BICDL2: variants seen among roughly 807,000 people sequenced by gnomAD.
BICDL2 encodes BICD family like cargo adaptor 2, also known as BICD family-like cargo adapter 2.
Under a neutral mutation model 56.6 loss-of-function variants are expected in BICDL2, and 62 were observed. The observed-to-expected ratio is 1.10, with a 90% CI of 0.89 to 1.35. The LOEUF (loss-of-function observed/expected upper bound fraction) is 1.35, where lower values mean the gene tolerates loss of function less well. Among genes scored for constraint, BICDL2 ranks in the 40% most tolerant of loss-of-function variants. BICDL2 has a pLI of 0.00. For missense variants in BICDL2, 808 were observed against 684.5 expected (o/e 1.18, Z -2.01); for synonymous variants, 358 against 319.8 (o/e 1.12, Z -1.27).
rs1955644304 is a variant in BICDL2 at position 3,030,943 on chromosome 16, G to A, written c.490C>T (p.Leu164=). ...SEQNLRLSQQ[L]AQASQTEQEL... is the part of the protein sequence containing the mutation. ...GGTCAGGGCCATCCCACCTGAGCCAGCTGCTGGCTGAGCCGGAGGTTCTGC... is the reference window on the plus strand; with the variant it reads ...GGTCAGGGCCATCCCACCTGAGCCAACTGCTGGCTGAGCCGGAGGTTCTGC... The change falls in exon 3 of 10, where the codon CTG becomes TTG. Residue 164 remains leucine (L), a synonymous_variant. Coordinates refer to ENST00000572449, the MANE Select transcript of BICDL2 (RefSeq NM_001369667.1). The A allele has an allele frequency of 2.6e-6, 4 of 1,547,684 alleles. No individual in the cohort carries two copies. The South Asian group carries it at 4.7e-5, about 18-fold the overall frequency.
chr16:3,036,783 C>A (rs1241145236), intron 1 of BICDL2, 111 bp downstream of exon 1: 1 of 354,046 alleles, frequency 2.8e-6, no homozygotes, highest in East Asian at 1.0e-4. Flanking sequence ...CCCCGGCGAT[C>A]CCGGTTCCCC....
Position 3,035,365 on chromosome 16 carries a change from A to G in BICDL2, c.132T>C (p.Pro44=), listed in dbSNP as rs1955719160. The part of the protein sequence containing the change: ...RDSFLGGGPG[P]EEPEDLALQL... The stretch of plus-strand genomic sequence containing the variant: ...GCAAGGCTAGGTCCTCGGGCTCCTC[A>G]GGCCCTGGGCCCCCTCCCAGGAATG... The change falls in exon 2 of 10, where the codon CCT becomes CCC. Residue 44 remains proline, a synonymous_variant. Coordinates refer to ENST00000572449, the MANE Select transcript of BICDL2 (RefSeq NM_001369667.1). 6.2e-7 allele frequency: 1 copy of G among 1,605,838 alleles called. No individual in the cohort carries two copies. Among genetic ancestry groups the G allele is most frequent in the Non-Finnish European group, 8.5e-7 (1 of 1,177,030 alleles).
At position 3,028,348 on chromosome 16, in the gene BICDL2, C is replaced by G. The variant is rs1179125833; in HGVS notation, c.1359G>C (p.Gln453His). Residue 453 changes from glutamine to histidine, a missense_variant and splice_region_variant, in exon 9 of 10, where the codon CAG (glutamine) becomes CAC (histidine). Physicochemically the swap from Gln to His is conservative, Grantham distance 24 (BLOSUM62 0). Transcript: ENST00000572449. ...CCCGCACACGGGCCCCGCCCCTCACCTGCCAGGCCTCCAGCTCCTGCGTGA... is the reference window on the plus strand; with the variant it reads ...CCCGCACACGGGCCCCGCCCCTCACGTGCCAGGCCTCCAGCTCCTGCGTGA... The part of the protein sequence containing the change: ...VALTQELEAW[Q>H]DDMQVVIGQQ... The G allele has an allele frequency of 6.5e-7, 1 of 1,550,332 alleles. No homozygotes were observed. Among genetic ancestry groups the G allele is most frequent in the Non-Finnish European group, 8.7e-7 (1 of 1,155,878 alleles).
intron 7 of BICDL2, 145 bp from the exon 8 acceptor site, chr16:3,028,975 G>A (rs557300600): frequency 1.1e-4 from 129 of 1,136,436 alleles, no homozygotes; most frequent in Middle Eastern, 6.0e-4. Context: ...TGGAGACTCC[G>A]ATATGAGCCC....
intron 5 of BICDL2, chr16:3,030,064 G>T: frequency 2.1e-6 from 1 of 469,942 alleles, no homozygotes; most frequent in Non-Finnish European, 3.8e-6. Context: ...AAGTAAGAAG[G>T]GGCACCGGGA....
intron 1 of BICDL2, 169 bp downstream of exon 1, chr16:3,036,725 C>G (rs1004827215): frequency 2.3e-6 from 1 of 438,122 alleles, no homozygotes; most frequent in Non-Finnish European, 4.5e-6. Context: ...CCCAGAGAAG[C>G]GGCTGGGCTC....
rs1479453150 is a variant in BICDL2 at position 3,029,525 on chromosome 16, C to T, written c.957+20G>A. On this transcript the variant is annotated intron_variant, in intron 6 of 9. Coordinates refer to ENST00000572449, the MANE Select transcript of BICDL2 (RefSeq NM_001369667.1). ...CCTCTCGATGGCACAGGTAAGGGGG[C>T]TGGGGCCCCACGAGCTCACCGGGGT... The T allele has an allele frequency of 1.9e-6, 3 of 1,558,792 alleles. No homozygotes were observed. Among genetic ancestry groups the T allele is most frequent in the Non-Finnish European group, 2.6e-6 (3 of 1,158,864 alleles).
chr16:3,035,176 T>TTGGCCCGGGGGGGGGGGGGGGGGGGGCG, intron 2 of BICDL2, 39 bp downstream of exon 2: 1 of 136,274 alleles, frequency 7.3e-6, no homozygotes, highest in Non-Finnish European at 1.4e-5. Context: ...CGTCCTCCCC[T>TTGGCCCGGGGGGGGGGGGGGGGGGGGCG]GCCCACCCAC....
Position 3,029,554 on chromosome 16 carries a change from T to G in BICDL2, c.948A>C (p.Gly316=), listed in dbSNP as rs2151140445. The change falls in exon 6 of 10, where the codon GGA becomes GGC. Residue 316 remains glycine (G), a synonymous_variant. Transcript: ENST00000572449. The part of the protein sequence containing the change: ...GDQGQGADAP[G]DTPTTRSPKT... ...GGCCCCACGAGCTCACCGGGGTGTC[T>G]CCGGGTGCGTCGGCGCCCTGGCCCT... 1 of 1,549,380 alleles carries G rather than the reference T, an allele frequency of 6.5e-7. No homozygotes were observed. Among genetic ancestry groups the G allele is most frequent in the East Asian group, 2.4e-5 (1 of 41,824 alleles).
chr16:3,035,405 A>G lies in BICDL2; in HGVS notation c.92T>C (p.Leu31Pro), dbSNP rs1011900794. ...TCCCAGGAATGAGTCCCGCCGCTCC[A>G]GCACAAAGGGGAAGAAGCCCTCGTC... ...SGDEGFFPFV[L>P]ERRDSFLGGG... Residue 31 changes from leucine to proline, a missense_variant, in exon 2 of 10, where the codon CTG becomes CCG. Physicochemically the swap from Leu to Pro is moderately conservative, Grantham distance 98. Transcript: ENST00000572449. The G allele has an allele frequency of 1.9e-6, 3 of 1,612,276 alleles. No individual in the cohort carries two copies. Among genetic ancestry groups the G allele is most frequent in the Non-Finnish European group, 2.5e-6 (3 of 1,179,720 alleles).
At position 3,030,925 on chromosome 16, in the gene BICDL2, G is replaced by A. The variant is rs773929413; in HGVS notation, c.498+10C>T. On this transcript the variant is annotated intron_variant, in intron 3 of 9. Transcript: ENST00000572449. ...CCTTGTCCAGGGCCCTGGGGTCAGG[G>A]CCATCCCACCTGAGCCAGCTGCTGG... 2.6e-6 allele frequency: 4 copies of A among 1,545,656 alleles called. No individual in the cohort carries two copies. The highest frequency in any genetic ancestry group is 2.7e-5 in the African/African-American group (2 of 73,366).
At chr16:3,029,131 A>C (rs1225858422) in intron 7 of BICDL2, 149 bp downstream of exon 7, 2 of 1,007,180 alleles carry the variant, frequency 2.0e-6, no homozygotes, top group East Asian at 2.6e-5. Flanking sequence ...AGGAGGTGGC[A>C]TACAGGCTGG....
Position 3,030,766 on chromosome 16 carries a change from C to T in BICDL2, c.545G>A (p.Arg182Gln), listed in dbSNP as rs754296681. The T allele has an allele frequency of 1.5e-5, 24 of 1,612,494 alleles. No homozygotes were observed. The highest frequency in any genetic ancestry group is 1.7e-5 in the Non-Finnish European group (20 of 1,179,694). Residue 182 changes from arginine (R) to glutamine (Q), a missense_variant, in exon 4 of 10, where the codon CGG becomes CAG. Physicochemically the swap from Arg to Gln is conservative, Grantham distance 43. Coordinates refer to ENST00000572449, the MANE Select transcript of BICDL2 (RefSeq NM_001369667.1). ...QELQRELDAL[R>Q]GQCQAQALAG... ...CAGTGCCTGAGCCTGGCACTGTCCC[C>T]GAAGGGCGTCCAGTTCCCTCTGAAG...
At position 3,035,459 on chromosome 16, in the gene BICDL2, G is replaced by C. The variant is rs1198022752; in HGVS notation, c.38C>G (p.Pro13Arg). ...SPDGPSFPSG[P>R]LSGGASPSGD... Reference sequence around the variant, plus strand: ...GCTGGGAGAGGCGCCCCCTGAGAGCGGCCCGGACGGGAAGCTGGGCCCATC... The same window carrying C: ...GCTGGGAGAGGCGCCCCCTGAGAGCCGCCCGGACGGGAAGCTGGGCCCATC... The change falls in exon 2 of 10, where the codon CCG becomes CGG. Residue 13 changes from proline (P) to arginine (R), a missense_variant. Transcript: ENST00000572449. 12 of 1,611,714 alleles carry C rather than the reference G, an allele frequency of 7.4e-6. No individual in the cohort carries two copies. Among genetic ancestry groups the C allele is most frequent in the Non-Finnish European group, 1.0e-5 (12 of 1,179,738 alleles).
chr16:3,035,300 T>C lies in BICDL2; in HGVS notation c.197A>G (p.Glu66Gly), dbSNP rs1181600877. The C allele has an allele frequency of 6.4e-7, 1 of 1,563,206 alleles. No homozygotes were observed. Among genetic ancestry groups the C allele is most frequent in the African/African-American group, 1.4e-5 (1 of 73,614 alleles). ...QKEKDLLLAAELGKMLLERNE... is the reference protein window; with the variant it reads ...QKEKDLLLAAGLGKMLLERNE... The stretch of plus-strand genomic sequence containing the variant: ...TCGCTCCAGAAGCATCTTGCCGAGC[T>C]CCGCGGCCAACAGCAGGTCTTTCTC... The change falls in exon 2 of 10, where the codon GAG (glutamate) becomes GGG (glycine). Residue 66 changes from glutamate (E) to glycine (G), a missense_variant. By Grantham distance (98) the Glu-to-Gly change is moderately conservative. Coordinates refer to ENST00000572449, the MANE Select transcript of BICDL2 (RefSeq NM_001369667.1).
At chr16:3,028,667 C>T in intron 8 of BICDL2, 33 bp downstream of exon 8, 2 of 1,557,698 alleles carry the variant, frequency 1.3e-6, no homozygotes, top group Non-Finnish European at 1.7e-6. Flanking sequence ...GCCCAGAGGG[C>T]GCTGGGGCGG....
chr16:3,035,176 T>TTGGGGGGGGGGGGGGGGGGGGGGGG, intron 2 of BICDL2, 39 bp downstream of exon 2: 5 of 136,272 alleles, frequency 3.7e-5, no homozygotes, highest in South Asian at 2.0e-4. Flanking sequence ...CGTCCTCCCC[T>TTGGGGGGGGGGGGGGGGGGGGGGGG]GCCCACCCAC....
intron 1 of BICDL2, 37 bp downstream of exon 1, chr16:3,036,857 C>G (rs979077019): frequency 3.4e-6 from 1 of 298,092 alleles, no homozygotes; most frequent in Non-Finnish European, 6.5e-6. Context: ...TCCCCAGGCT[C>G]GAGGGGCCCG....
At position 3,029,637 on chromosome 16, in the gene BICDL2, C is replaced by T. The variant is rs763688060; in HGVS notation, c.865G>A (p.Asp289Asn). The change falls in exon 6 of 10, where the codon GAC becomes AAC. Residue 289 changes from aspartate to asparagine, a missense_variant. Physicochemically the swap from Asp to Asn is conservative, Grantham distance 23. Transcript: ENST00000572449. ...GACTGCAACGAGGCAGCCGACACGT[C>T]GGCGTCCTGGAGGCGTGACTCCTCC... ...LEEESRLQDA[D>N]VSAASLQSEL... The T allele has an allele frequency of 1.3e-6, 2 of 1,535,426 alleles. No homozygotes were observed. Among genetic ancestry groups the T allele is most frequent in the South Asian group, 1.2e-5 (1 of 83,620 alleles).
Sources: allele counts gnomAD v4.1 joint callset, GRCh38; gene constraint gnomAD v4.1.1; transcripts MANE v1.5; gene names NCBI Gene and HGNC (gene_info 2026-07-23, HGNC 2026-07-21).